MCOLN3: variants seen among roughly 807,000 people sequenced by gnomAD.
The protein encoded by MCOLN3 is mucolipin TRP cation channel 3.
Under a neutral mutation model 69.4 loss-of-function variants are expected in MCOLN3, and 62 were observed. That is an observed-to-expected ratio of 0.89 (90% CI 0.73 to 1.10). The LOEUF (loss-of-function observed/expected upper bound fraction) is 1.10. MCOLN3 is among the 50% of genes least tolerant of loss of function. The probability of loss-of-function intolerance (pLI) is 0.00; values close to 1 mark genes in which losing one functional copy is unlikely to be tolerated. For missense variants in MCOLN3, 564 were observed against 656.4 expected (o/e 0.86, Z 1.54); for synonymous variants, 183 against 217.0 (o/e 0.84, Z 1.38).
Position 85,048,382 on chromosome 1 carries a change from C to T in MCOLN3, c.-3+14G>A, listed in dbSNP as rs1258460673. The T allele has an allele frequency of 2.0e-4, 31 of 151,898 alleles. No homozygotes were observed. The highest frequency in any genetic ancestry group is 2.0e-3 in the Admixed American group (31 of 15,254). 9.4% of individuals were successfully genotyped at this position (151,898 alleles called of 1,614,324 possible). ...CGACACCCGACGCCCCGGGGCAGCG[C>T]CCCGCGGGCTCACCTGGGGGACAGC... On this transcript the variant is annotated intron_variant, in intron 1 of 12. Coordinates refer to ENST00000370589, the MANE Select transcript of MCOLN3 (RefSeq NM_018298.11).
chr1:85,039,107 C>T (rs1374475888), intron 3 of MCOLN3, among the ~76,000 whole-genome samples: 1 of 151,472 alleles, frequency 6.6e-6, no homozygotes, highest in Non-Finnish European at 1.5e-5. Flanking sequence ...CACTCAAAAC[C>T]CTACTTATTC....
chr1:85,028,451 C>T (rs895095562), intron 7 of MCOLN3, among the ~76,000 whole-genome samples: 4 of 152,164 alleles, frequency 2.6e-5, no homozygotes, highest in Non-Finnish European at 5.9e-5. Context: ...CCTCATCTAG[C>T]GACCATTAAG....
Position 85,019,181 on chromosome 1 carries a change from C to A in MCOLN3, c.1604G>T (p.Gly535Val), listed in dbSNP as rs868568373. ...ISECKDLPNS[G>V]KYRLEDDPPV... is the part of the protein sequence containing the mutation. ...AGGGTCATCTTCTAATCTGTATTTT[C>A]CAGAGTTGGGTAGATCTTTGCATTC... The change falls in exon 13 of 13, where the codon GGA (glycine) becomes GTA (valine). Residue 535 changes from glycine to valine, a missense_variant. Transcript: ENST00000370589. 6.2e-7 allele frequency: 1 copy of A among 1,613,570 alleles called. No homozygotes were observed. Among genetic ancestry groups the A allele is most frequent in the Non-Finnish European group, 8.5e-7 (1 of 1,179,576 alleles).
intron 7 of MCOLN3, among the ~76,000 whole-genome samples, chr1:85,027,796 G>A (rs947455856): frequency 1.3e-5 from 2 of 152,152 alleles, no homozygotes; most frequent in Non-Finnish European, 2.9e-5. Context: ...TTGGAGAATC[G>A]AAAGTGCGAA....
chr1:85,042,684 C>T (rs1159183600), intron 2 of MCOLN3, among the ~76,000 whole-genome samples: 1 of 152,184 alleles, frequency 6.6e-6, no homozygotes, highest in Non-Finnish European at 1.5e-5. Context: ...GAGAAAACTG[C>T]TGTAATTCAG....
rs34573983 is a variant in MCOLN3, at chr1:85,021,118, A to G, written c.1479T>C (p.Ile493=). 6.3e-4 allele frequency: 1,014 copies of G among 1,612,136 alleles called. 7 individuals carry two copies. The African/African-American group carries it at 0.012, about 18-fold the overall frequency. ...YSFISLFIYM[I]LSLFIALITD... ...TGATCAGTGCAATGAAAAGACTTAAAATCATATATATAAAGAGGCTGATGA... is the reference window on the plus strand; with the variant it reads ...TGATCAGTGCAATGAAAAGACTTAAGATCATATATATAAAGAGGCTGATGA... Residue 493 remains isoleucine, a synonymous_variant, in exon 12 of 13, where the codon ATT becomes ATC. Coordinates refer to ENST00000370589, the MANE Select transcript of MCOLN3 (RefSeq NM_018298.11).
In MCOLN3 at chr1:85,041,364, T is replaced by A. The variant is rs1045901324; in HGVS notation, c.229-187A>T. Among the ~76,000 whole-genome samples, 3 of 152,312 alleles carry A rather than the reference T, an allele frequency of 2.0e-5. No individual in the cohort carries two copies. The East Asian group carries it at 5.8e-4, about 29-fold the overall frequency. On this transcript the variant is annotated intron_variant, in intron 2 of 12. Transcript: ENST00000370589. ...AAGTCCTATGACCAAACTATATTCC[T>A]AGGTCTAATCACCAAAACCATGACA...
chr1:85,035,565 A>G (rs553496459), intron 3 of MCOLN3, among the ~76,000 whole-genome samples: 3 of 152,298 alleles, frequency 2.0e-5, no homozygotes, highest in East Asian at 1.9e-4. Context: ...CCTTTTGTCA[A>G]TTCCTCTTAT....
intron 3 of MCOLN3, among the ~76,000 whole-genome samples, chr1:85,038,077 A>G (rs570353214): frequency 3.3e-5 from 5 of 152,248 alleles, no homozygotes; most frequent in Non-Finnish European, 7.3e-5. Context: ...GAGCTGCAAG[A>G]ATAAATGATT....
In MCOLN3 at chr1:85,034,183, A is replaced by C. The variant is rs775127304; in HGVS notation, c.465T>G (p.Ala155=). 3.7e-6 allele frequency: 6 copies of C among 1,614,226 alleles called. No homozygotes were observed. Among genetic ancestry groups the C allele is most frequent in the Non-Finnish European group, 5.1e-6 (6 of 1,180,022 alleles). Residue 155 remains alanine, a synonymous_variant, in exon 4 of 13, where the codon GCT becomes GCG. Coordinates refer to ENST00000370589, the MANE Select transcript of MCOLN3 (RefSeq NM_018298.11). ...TGTAGAAGTGCTGACAGATTGCCAT[A>C]GCAGATTGCTTGGTACCTTTGTTCT... ...AYENKGTKQS[A]MAICQHFYKR... is the part of the protein sequence containing the mutation.
At chr1:85,029,974 G>A (rs995163715) in intron 6 of MCOLN3, 1 of 152,170 alleles carries the variant, frequency 6.6e-6, no homozygotes, top group Non-Finnish European at 1.5e-5. Flanking sequence ...TTGTATTGAA[G>A]CTTCTCCATA....
intron 11 of MCOLN3, 119 bp from the exon 12 acceptor site, chr1:85,021,395 C>A: frequency 2.6e-6 from 2 of 770,652 alleles, no homozygotes; most frequent in Non-Finnish European, 2.1e-6. Flanking sequence ...CATTTTCAAA[C>A]AAATAACCTG....
rs545350242 is a variant in MCOLN3 at position 85,026,317 on chromosome 1, T to C, written c.833-33A>G. 3.3e-5 allele frequency: 44 copies of C among 1,345,048 alleles called. 1 individual carries two copies. In the South Asian group the frequency reaches 3.9e-4, roughly 12 times the overall value. 83.3% of individuals were successfully genotyped at this position (1,345,048 alleles called of 1,614,324 possible). Reference sequence around the variant, plus strand: ...CAAAGAGGATTACATAGTGCTTATGTAGTGGGACATTAATATGGTGACATC... The same window carrying C: ...CAAAGAGGATTACATAGTGCTTATGCAGTGGGACATTAATATGGTGACATC... On this transcript the variant is annotated intron_variant, in intron 7 of 12. Transcript: ENST00000370589.
chr1:85,040,403 G>A (rs1653002134), intron 3 of MCOLN3, among the ~76,000 whole-genome samples: 1 of 152,142 alleles, frequency 6.6e-6, no homozygotes, highest in Admixed American at 6.5e-5. Context: ...CGCTTTCAAT[G>A]ACACCTAGAG....
At position 85,045,116 on chromosome 1, in the gene MCOLN3, T is replaced by C. The variant is rs1478019588; in HGVS notation, c.228+17A>G. Reference sequence around the variant, plus strand: ...TTAAAAGAGGCTTTCACCAAACTCATGATCTGAGATGCTTACCTGGATAGT... The same window carrying C: ...TTAAAAGAGGCTTTCACCAAACTCACGATCTGAGATGCTTACCTGGATAGT... On this transcript the variant is annotated intron_variant, in intron 2 of 12. Coordinates refer to ENST00000370589, the MANE Select transcript of MCOLN3 (RefSeq NM_018298.11). 2 of 1,593,566 alleles carry C rather than the reference T, an allele frequency of 1.3e-6. No homozygotes were observed. The highest frequency in any genetic ancestry group is 2.7e-5 in the African/African-American group (2 of 74,162).
intron 12 of MCOLN3, 134 bp from the exon 13 acceptor site, chr1:85,019,391 A>G: frequency 1.2e-6 from 1 of 813,812 alleles, no homozygotes; most frequent in South Asian, 1.8e-5. Context: ...GAGTACCTGC[A>G]AAGGAGATGT....
chr1:85,047,998 G>A (rs1233017789), intron 1 of MCOLN3, among the ~76,000 whole-genome samples: 1 of 152,214 alleles, frequency 6.6e-6, no homozygotes. Context: ...GGCCAGCCGA[G>A]CCGCGTCAAG....
chr1:85,029,119 A>G lies in MCOLN3; in HGVS notation c.819T>C (p.His273=). Reference sequence around the variant, plus strand: ...CGCATCACTTACTTGATCCAGATACATGCCAGTCTTTACATTCTCTGATGG... The same window carrying G: ...CGCATCACTTACTTGATCCAGATACGTGCCAGTCTTTACATTCTCTGATGG... ...DISIRECKDW[H]VSGSIQKNTH... Residue 273 remains histidine (H), a synonymous_variant, in exon 7 of 13, where the codon CAT becomes CAC. Coordinates refer to ENST00000370589, the MANE Select transcript of MCOLN3 (RefSeq NM_018298.11). The G allele has an allele frequency of 6.3e-7, 1 of 1,586,418 alleles. No individual in the cohort carries two copies. The highest frequency in any genetic ancestry group is 8.7e-7 in the Non-Finnish European group (1 of 1,154,868).
Position 85,032,931 on chromosome 1 carries a change from T to G in MCOLN3, c.576A>C (p.Glu192Asp). ...CTGCTGGTGTCCCAATGTGAAAAGG[T>G]TCATCTGGCTCCACAAAGAAACACT... ...ETECFFVEPD[E>D]PFHIGTPAEN... Residue 192 changes from glutamate (E) to aspartate (D), a missense_variant, in exon 5 of 13, where the codon GAA (glutamate) becomes GAC (aspartate). Physicochemically the swap from Glu to Asp is conservative, Grantham distance 45. Coordinates refer to ENST00000370589, the MANE Select transcript of MCOLN3 (RefSeq NM_018298.11). The G allele has an allele frequency of 1.2e-6, 2 of 1,614,020 alleles. No individual in the cohort carries two copies. The highest frequency in any genetic ancestry group is 8.5e-7 in the Non-Finnish European group (1 of 1,180,038).
Sources: gnomAD v4.1 joint callset for allele counts (sites outside exome capture counted in the v4.1 genomes callset) on GRCh38, gnomAD v4.1.1 for gene constraint, MANE v1.5 for transcripts, NCBI Gene and HGNC (gene_info 2026-07-23, HGNC 2026-07-21) for gene names.